Variants in CADM2 observed in about 807,000 individuals in gnomAD.
The protein encoded by CADM2 is cell adhesion molecule 2, also known as immunoglobulin superfamily member 4D.
A neutral mutation model predicts 49.8 loss-of-function variants in CADM2; 12 were observed. The observed-to-expected ratio is 0.24, with a 90% CI of 0.15 to 0.39. The LOEUF (loss-of-function observed/expected upper bound fraction) is 0.39. Among genes scored for constraint, CADM2 ranks in the 10% least tolerant of loss-of-function variants. CADM2 has a pLI of 1.00. For missense variants in CADM2, 378 were observed against 492.3 expected (o/e 0.77, Z 2.20); for synonymous variants, 214 against 175.4 (o/e 1.22, Z -1.74).
At chr3:85,618,837 T>G (rs943489990) in intron 1 of CADM2, among the ~76,000 whole-genome samples, 1 of 152,136 alleles carries the variant, frequency 6.6e-6, no homozygotes, top group African/African-American at 2.4e-5. Context: ...TGGTGCTTAC[T>G]TATTGCCAAT....
intron 1 of CADM2, among the ~76,000 whole-genome samples, chr3:85,007,048 C>T (rs554785518): frequency 6.6e-6 from 1 of 151,888 alleles, no homozygotes; most frequent in African/African-American, 2.4e-5. Flanking sequence ...TTTAGAGCAA[C>T]CTATATATTA....
At chr3:85,640,637 A>G (rs1416994347) in intron 1 of CADM2, among the ~76,000 whole-genome samples, 1 of 152,154 alleles carries the variant, frequency 6.6e-6, no homozygotes, top group Non-Finnish European at 1.5e-5. Flanking sequence ...TTGGGATCAG[A>G]CTGTGAATGG....
At chr3:85,015,944 A>G (rs2034232562) in intron 1 of CADM2, among the ~76,000 whole-genome samples, 1 of 152,184 alleles carries the variant, frequency 6.6e-6, no homozygotes, top group Non-Finnish European at 1.5e-5. Flanking sequence ...TATGATTATA[A>G]AAGCATCCTT....
Position 85,996,012 on chromosome 3 carries a change from C to T in CADM2, c.970+34365C>T, listed in dbSNP as rs544957007. On this transcript the variant is annotated intron_variant, in intron 8 of 9. Coordinates refer to ENST00000383699, the MANE Select transcript of CADM2 (RefSeq NM_001167675.2). ...GGCTGAGGCAGGAGAATGGCGTGAACCCAGGAGGCAGAGCTTTCAGTGAGC... is the reference window on the plus strand; with the variant it reads ...GGCTGAGGCAGGAGAATGGCGTGAATCCAGGAGGCAGAGCTTTCAGTGAGC... Among the ~76,000 whole-genome samples, 4 of 151,550 alleles carry T rather than the reference C, an allele frequency of 2.6e-5. No homozygotes were observed. The South Asian group carries it at 6.2e-4, about 24-fold the overall frequency.
intron 2 of CADM2, among the ~76,000 whole-genome samples, chr3:85,796,113 T>C (rs1362598538): frequency 1.3e-5 from 2 of 152,240 alleles, no homozygotes; most frequent in Non-Finnish European, 2.9e-5. Context: ...ATTTATGTAC[T>C]GGTTGATCAT....
At chr3:85,150,716 A>C (rs747113891) in intron 1 of CADM2, among the ~76,000 whole-genome samples, 4 of 151,624 alleles carry the variant, frequency 2.6e-5, no homozygotes, top group Non-Finnish European at 5.9e-5. Context: ...CAGCCTGGCC[A>C]ACATAGTGAA....
chr3:86,066,064 C>A (rs1014198515), intron 9 of CADM2, among the ~76,000 whole-genome samples: 1 of 151,938 alleles, frequency 6.6e-6, no homozygotes, highest in Admixed American at 6.6e-5. Flanking sequence ...AGTTTGTGAA[C>A]ATCTGTGTAG....
rs1050541586 is a variant in CADM2, at chr3:86,071,850, A to T, written c.*5067A>T. The T allele has an allele frequency of 6.6e-6, 1 of 151,996 alleles. No homozygotes were observed. Among genetic ancestry groups the T allele is most frequent in the African/African-American group, 2.4e-5 (1 of 41,444 alleles). The allele number at this position is 151,996 out of a possible 1,614,324, so 9.4% of individuals were successfully genotyped here. A position where few individuals can be genotyped will look rare whatever the true frequency, so the allele number is the denominator to read the frequency against. On this transcript the variant is annotated 3_prime_UTR_variant, in exon 10 of 10. Coordinates refer to ENST00000383699, the MANE Select transcript of CADM2 (RefSeq NM_001167675.2). Reference sequence around the variant, plus strand: ...TGTTAATATAATTGTATTGGTTTTTAAAAATAATTAAAATGGCAACACTTT... The same window carrying T: ...TGTTAATATAATTGTATTGGTTTTTTAAAATAATTAAAATGGCAACACTTT...
At chr3:85,252,010 G>T (rs561224002) in intron 1 of CADM2, among the ~76,000 whole-genome samples, 1 of 152,030 alleles carries the variant, frequency 6.6e-6, no homozygotes, top group Non-Finnish European at 1.5e-5. Context: ...TGCCATGTTA[G>T]CATTTTCAAT....
intron 1 of CADM2, among the ~76,000 whole-genome samples, chr3:85,572,396 A>G (rs1443569625): frequency 1.3e-5 from 2 of 152,318 alleles, no homozygotes; most frequent in African/African-American, 2.4e-5. Context: ...AAACATACTT[A>G]TATGTAAATG....
intron 1 of CADM2, among the ~76,000 whole-genome samples, chr3:85,358,683 G>C (rs1241297958): frequency 1.3e-5 from 2 of 152,154 alleles, no homozygotes; most frequent in Non-Finnish European, 2.9e-5. Flanking sequence ...AAGAAATCAA[G>C]TACTAATCTT....
At chr3:85,461,152 C>T (rs943069942) in intron 1 of CADM2, among the ~76,000 whole-genome samples, 33 of 152,038 alleles carry the variant, frequency 2.2e-4, no homozygotes, top group African/African-American at 6.3e-4. Flanking sequence ...AAGGATCATT[C>T]ACTCATGTTT....
chr3:85,338,759 A>C (rs1007656899), intron 1 of CADM2, among the ~76,000 whole-genome samples: 1 of 151,520 alleles, frequency 6.6e-6, no homozygotes, highest in Non-Finnish European at 1.5e-5. Context: ...ACTGCAAAGA[A>C]CAATAACCAT....
chr3:85,791,682 C>T (rs930508252), intron 2 of CADM2, among the ~76,000 whole-genome samples: 1 of 151,522 alleles, frequency 6.6e-6, no homozygotes, highest in Non-Finnish European at 1.5e-5. Flanking sequence ...ACATGTGTTG[C>T]CTCTTTCATC....
intron 1 of CADM2, among the ~76,000 whole-genome samples, chr3:85,489,534 A>G (rs145615857): frequency 0.013 from 2,047 of 152,254 alleles, 115 homozygotes; most frequent in South Asian, 0.1. Flanking sequence ...TTAATAATCT[A>G]GATAAAAAGA....
chr3:85,536,429 T>G (rs1241536310), intron 1 of CADM2, among the ~76,000 whole-genome samples: 1 of 151,520 alleles, frequency 6.6e-6, no homozygotes, highest in African/African-American at 2.4e-5. Flanking sequence ...GATTAGCCTT[T>G]TTAAATTTTT....
intron 1 of CADM2, among the ~76,000 whole-genome samples, chr3:84,977,047 A>G (rs2031864117): frequency 1.3e-5 from 2 of 151,972 alleles, no homozygotes; most frequent in Admixed American, 1.3e-4. Context: ...ATAGCAGAAT[A>G]GGTGAAAATG....
At chr3:85,195,506 A>G (rs1350138134) in intron 1 of CADM2, among the ~76,000 whole-genome samples, 1 of 151,358 alleles carries the variant, frequency 6.6e-6, no homozygotes, top group East Asian at 1.9e-4. Flanking sequence ...AAAAATATAT[A>G]TTTTGACAAT....
chr3:85,610,404 A>G (rs971980419), intron 1 of CADM2, among the ~76,000 whole-genome samples: 2 of 151,966 alleles, frequency 1.3e-5, no homozygotes, highest in African/African-American at 4.8e-5. Flanking sequence ...TTTATATTAA[A>G]TAGTTGATAT....
Sources: gnomAD v4.1 joint callset for allele counts (sites outside exome capture counted in the v4.1 genomes callset) on GRCh38, gnomAD v4.1.1 for gene constraint, MANE v1.5 for transcripts, NCBI Gene and HGNC (gene_info 2026-07-23, HGNC 2026-07-21) for gene names.